Variants in KLHL32 observed in about 807,000 individuals in gnomAD.
The protein encoded by KLHL32 is kelch like family member 32.
Under a neutral mutation model 64.8 loss-of-function variants are expected in KLHL32, and 35 were observed. That is an observed-to-expected ratio of 0.54 (90% CI 0.41 to 0.72). The LOEUF is 0.72. Ranked by LOEUF, KLHL32 falls within the 30% of genes least tolerant of loss-of-function variation. The pLI is 0.00. For missense variants in KLHL32, 589 were observed against 768.5 expected (o/e 0.77, Z 2.76); for synonymous variants, 259 against 281.0 (o/e 0.92, Z 0.78).
At chr6:97,041,254 A>T (rs1324362279) in intron 3 of KLHL32, among the ~76,000 whole-genome samples, 1 of 152,226 alleles carries the variant, frequency 6.6e-6, no homozygotes, top group Non-Finnish European at 1.5e-5. Flanking sequence ...TGTGTATTAC[A>T]TATAGAAGTA....
chr6:97,122,178 G>A (rs1798435908), intron 7 of KLHL32, among the ~76,000 whole-genome samples: 1 of 152,118 alleles, frequency 6.6e-6, no homozygotes, highest in African/African-American at 2.4e-5. Flanking sequence ...TCACAAGTTT[G>A]CACCTATTTG....
At chr6:96,927,475 TA>T (rs138522477) in intron 1 of KLHL32, among the ~76,000 whole-genome samples, 29,703 of 151,932 alleles carry the variant, frequency 0.2, 3,233 homozygotes, top group Non-Finnish European at 0.25. Context: ...TGTAGTGAGG[TA>T]AATACGTCTT....
At chr6:97,036,872 G>A (rs1784374797) in intron 3 of KLHL32, among the ~76,000 whole-genome samples, 1 of 152,190 alleles carries the variant, frequency 6.6e-6, no homozygotes. Flanking sequence ...GGTAAAGACT[G>A]GGGATCTTTA....
intron 5 of KLHL32, among the ~76,000 whole-genome samples, chr6:97,080,554 G>A (rs1435708918): frequency 3.9e-5 from 6 of 152,212 alleles, no homozygotes. Context: ...CAAGTGATGT[G>A]CTAGACATAT....
At chr6:96,957,035 A>G (rs1053942790) in intron 1 of KLHL32, among the ~76,000 whole-genome samples, 1 of 152,236 alleles carries the variant, frequency 6.6e-6, no homozygotes, top group East Asian at 1.9e-4. Context: ...TGTGGATGTT[A>G]TGCCTTTGAT....
rs1165877369 is a variant in KLHL32, at chr6:97,061,749, CT to C, written c.313-2875del. On this transcript the variant is annotated intron_variant, in intron 4 of 10. Coordinates refer to ENST00000369261, the MANE Select transcript of KLHL32 (RefSeq NM_052904.4). ...TCCCTTTTTTTCTGCAGAGGTTGTT[CT>C]TTTGGCCAGTCCTTCGAGGCAGGTG... Among the ~76,000 whole-genome samples, 3 of 152,278 alleles carry C rather than the reference CT, an allele frequency of 2.0e-5. No homozygotes were observed. The East Asian group carries it at 5.8e-4, about 29-fold the overall frequency.
In KLHL32 at chr6:96,967,084, G is replaced by T; in HGVS notation, c.23+1G>T. On this transcript the variant is annotated splice_donor_variant, in intron 2 of 10. Transcript: ENST00000369261. LOFTEE classifies it high-confidence loss of function. ...AAATGCCGTCTGAACGCTGCCTCAG[G>T]TATGCCCTGTAGGATATGTCCTCAC... is the stretch of plus-strand genomic sequence containing the variant. The T allele has an allele frequency of 6.2e-7, 1 of 1,613,536 alleles. No individual in the cohort carries two copies. Among genetic ancestry groups the T allele is most frequent in the Non-Finnish European group, 8.5e-7 (1 of 1,179,790 alleles).
intron 1 of KLHL32, among the ~76,000 whole-genome samples, chr6:96,961,639 C>T (rs942266381): frequency 2.0e-5 from 3 of 152,034 alleles, no homozygotes; most frequent in Admixed American, 6.5e-5. Context: ...GAAAATAGGG[C>T]TTGGAGGTAT....
At chr6:97,104,216 A>AAAG (rs1796106623) in intron 6 of KLHL32, among the ~76,000 whole-genome samples, 2 of 152,196 alleles carry the variant, frequency 1.3e-5, no homozygotes, top group Non-Finnish European at 2.9e-5. Context: ...GGGACAACTC[A>AAAG]GGTCACTTTT....
At chr6:97,011,981 T>C (rs951909805) in intron 3 of KLHL32, among the ~76,000 whole-genome samples, 3 of 151,480 alleles carry the variant, frequency 2.0e-5, no homozygotes, top group African/African-American at 4.9e-5. Flanking sequence ...ACTTTACAGA[T>C]GATGAATTAA....
chr6:96,965,067 C>T lies in KLHL32; in HGVS notation c.-65-1929C>T, dbSNP rs1348384735. Among the ~76,000 whole-genome samples the T allele has an allele frequency of 2.0e-5, 3 of 152,208 alleles. No homozygotes were observed. The East Asian group carries it at 5.8e-4, about 29-fold the overall frequency. ...ATGCCTAGGGATACTCAATGCTTAA[C>T]TCACTTAGAAGTGAGAAGAACATGT... On this transcript the variant is annotated intron_variant, in intron 1 of 10. Transcript: ENST00000369261.
chr6:97,055,354 G>A (rs759188704), intron 4 of KLHL32, among the ~76,000 whole-genome samples: 8 of 152,140 alleles, frequency 5.3e-5, no homozygotes, highest in African/African-American at 9.7e-5. Flanking sequence ...TACAGTGGGA[G>A]GGGTATCCCT....
At chr6:96,932,573 C>T (rs575002291) in intron 1 of KLHL32, among the ~76,000 whole-genome samples, 30 of 137,068 alleles carry the variant, frequency 2.2e-4, no homozygotes, top group Admixed American at 2.2e-4. Context: ...TTCCCCCCCC[C>T]CCTTTTTTTT....
intron 1 of KLHL32, among the ~76,000 whole-genome samples, chr6:96,930,310 A>G (rs1324818089): frequency 6.6e-6 from 1 of 152,192 alleles, no homozygotes; most frequent in Non-Finnish European, 1.5e-5. Flanking sequence ...GCAAGGTAGC[A>G]TGGCACAACC....
At chr6:97,026,866 A>G (rs1302856032) in intron 3 of KLHL32, among the ~76,000 whole-genome samples, 1 of 152,166 alleles carries the variant, frequency 6.6e-6, no homozygotes, top group Non-Finnish European at 1.5e-5. Context: ...AATTCTCTAT[A>G]GAAAAGGGAT....
At chr6:97,076,057 C>T (rs1350916425) in intron 5 of KLHL32, among the ~76,000 whole-genome samples, 3 of 152,162 alleles carry the variant, frequency 2.0e-5, no homozygotes, top group East Asian at 3.9e-4. Flanking sequence ...CCGTAGATTT[C>T]TCCATGTGCC....
intron 3 of KLHL32, among the ~76,000 whole-genome samples, chr6:97,022,453 A>G (rs914966738): frequency 6.9e-6 from 1 of 145,788 alleles, no homozygotes; most frequent in Non-Finnish European, 1.5e-5. Flanking sequence ...CTCTAATTTT[A>G]CCTGTGATAA....
chr6:97,061,108 C>T (rs1028132996), intron 4 of KLHL32, among the ~76,000 whole-genome samples: 2 of 152,150 alleles, frequency 1.3e-5, no homozygotes, highest in Admixed American at 6.5e-5. Flanking sequence ...CCTTGTGTTC[C>T]ACCACCTGGA....
chr6:97,135,626 A>G (rs1582293839), intron 10 of KLHL32, among the ~76,000 whole-genome samples: 2 of 152,166 alleles, frequency 1.3e-5, no homozygotes, highest in South Asian at 4.1e-4. Context: ...TTTACTATTA[A>G]TAGGTAATAA....
Sources: allele counts gnomAD v4.1 joint callset (sites outside exome capture counted in the v4.1 genomes callset), GRCh38; gene constraint gnomAD v4.1.1; transcripts MANE v1.5; gene names NCBI Gene and HGNC (gene_info 2026-07-23, HGNC 2026-07-21).